GABRG3: variants seen among roughly 807,000 people sequenced by gnomAD.
GABRG3 encodes the protein gamma-aminobutyric acid receptor subunit gamma-3.
A neutral mutation model predicts 48.8 loss-of-function variants in GABRG3; 25 were observed. That is an observed-to-expected ratio of 0.51 (90% CI 0.37 to 0.72). GABRG3 has a LOEUF of 0.72. GABRG3 is among the 30% of genes least tolerant of loss of function. The pLI is 0.00. For synonymous variants in GABRG3, 227 were observed against 217.6 expected (o/e 1.04, Z -0.38); for missense variants, 394 against 577.9 (o/e 0.68, Z 3.26).
At chr15:27,523,655 A>G (rs1891209556) in intron 7 of GABRG3, among the ~76,000 whole-genome samples, 1 of 151,946 alleles carries the variant, frequency 6.6e-6, no homozygotes, top group Non-Finnish European at 1.5e-5. Flanking sequence ...AAAGCTCCAC[A>G]AAGAAATAGA....
Position 27,457,727 on chromosome 15 carries a change from G to T in GABRG3, c.575-22923G>T, listed in dbSNP as rs200075957. Among the ~76,000 whole-genome samples the T allele has an allele frequency of 9.9e-5, 15 of 152,204 alleles. No individual in the cohort carries two copies. In the South Asian group the frequency reaches 3.1e-3, roughly 32 times the overall value. ...CTCTGACCTGATGGTTGCAGTCGCCGTGTTTTCTGGCCAGTGGTATAACGA... is the reference window on the plus strand; with the variant it reads ...CTCTGACCTGATGGTTGCAGTCGCCTTGTTTTCTGGCCAGTGGTATAACGA... On this transcript the variant is annotated intron_variant, in intron 5 of 9. Coordinates refer to ENST00000615808, the MANE Select transcript of GABRG3 (RefSeq NM_033223.5). This position sits in a 1 kb window ranked among gnomAD's most constrained non-coding sequence, Gnocchi z 4.4.
At chr15:27,365,906 A>G (rs1051432636) in intron 5 of GABRG3, 1 of 152,202 alleles carries the variant, frequency 6.6e-6, no homozygotes, top group African/African-American at 2.4e-5. Flanking sequence ...TAAATAAGTT[A>G]AATAGTTCAT....
chr15:27,000,590 G>A (rs142994134), intron 2 of GABRG3, among the ~76,000 whole-genome samples: 5 of 152,278 alleles, frequency 3.3e-5, no homozygotes, highest in East Asian at 3.9e-4. Flanking sequence ...GTGATAGTGA[G>A]TGTGTTCTCA....
chr15:27,454,947 C>G (rs1380880549), intron 5 of GABRG3, among the ~76,000 whole-genome samples: 1 of 152,212 alleles, frequency 6.6e-6, no homozygotes, highest in Non-Finnish European at 1.5e-5. Context: ...TTATTCATCT[C>G]TTTTTCTCTC....
intron 3 of GABRG3, among the ~76,000 whole-genome samples, chr15:27,064,532 G>A (rs1297699113): frequency 4.6e-5 from 7 of 152,104 alleles, no homozygotes; most frequent in Admixed American, 4.6e-4. Context: ...GAGGGGTTAG[G>A]GCTGAGGTGG....
At chr15:27,364,361 C>T in intron 5 of GABRG3, 1 of 152,572 alleles carries the variant, frequency 6.6e-6, no homozygotes, top group East Asian at 1.9e-4. Context: ...TGCGCCTCTA[C>T]ATGACTCCGG....
chr15:27,427,619 T>A (rs2071815877), intron 5 of GABRG3, among the ~76,000 whole-genome samples: 1 of 152,242 alleles, frequency 6.6e-6, no homozygotes, highest in South Asian at 2.1e-4. Context: ...GATCTATATC[T>A]AACAAATGTC....
chr15:27,493,283 A>C (rs1408853981), intron 6 of GABRG3, among the ~76,000 whole-genome samples: 1 of 152,188 alleles, frequency 6.6e-6, no homozygotes, highest in African/African-American at 2.4e-5. Flanking sequence ...AAAAATCTCA[A>C]AAGTGGGGAA....
At chr15:27,296,911 G>T (rs1892009275) in intron 3 of GABRG3, among the ~76,000 whole-genome samples, 1 of 151,132 alleles carries the variant, frequency 6.6e-6, no homozygotes, top group South Asian at 2.1e-4. Context: ...CCAGAAGAAG[G>T]CGCTGTTATC....
At chr15:27,310,190 G>A (rs1353433302) in intron 3 of GABRG3, among the ~76,000 whole-genome samples, 3 of 152,016 alleles carry the variant, frequency 2.0e-5, no homozygotes, top group Admixed American at 6.6e-5. Flanking sequence ...TAGGGAAGGG[G>A]CAATGACAAA....
intron 3 of GABRG3, among the ~76,000 whole-genome samples, chr15:27,225,225 T>C (rs1252999233): frequency 1.3e-5 from 2 of 152,108 alleles, no homozygotes; most frequent in Non-Finnish European, 2.9e-5. Flanking sequence ...CAGATATACC[T>C]GAAAGCTGTC....
intron 3 of GABRG3, among the ~76,000 whole-genome samples, chr15:27,186,338 A>G (rs1888097712): frequency 1.3e-5 from 2 of 152,090 alleles, no homozygotes; most frequent in African/African-American, 4.8e-5. Flanking sequence ...AAGGGACATG[A>G]CTTCATTATT....
At chr15:27,278,219 T>G (rs1891318486) in intron 3 of GABRG3, among the ~76,000 whole-genome samples, 1 of 151,940 alleles carries the variant, frequency 6.6e-6, no homozygotes, top group South Asian at 2.1e-4. Flanking sequence ...GCCCGGCTAA[T>G]TTTTGTATTT....
At chr15:27,386,657 C>A (rs549617097) in intron 5 of GABRG3, among the ~76,000 whole-genome samples, 81 of 152,232 alleles carry the variant, frequency 5.3e-4, no homozygotes, top group African/African-American at 1.9e-3. Context: ...CTTTCCAGGG[C>A]AGAATTTACA....
intron 3 of GABRG3, among the ~76,000 whole-genome samples, chr15:27,317,467 C>A (rs1893270261): frequency 6.6e-6 from 1 of 152,196 alleles, no homozygotes; most frequent in African/African-American, 2.4e-5. Flanking sequence ...ATCTCAGTTT[C>A]TTCTTCATCA....
At chr15:27,255,363 C>A (rs7172713) in intron 3 of GABRG3, among the ~76,000 whole-genome samples, 4,425 of 152,252 alleles carry the variant, frequency 0.029, 196 homozygotes, top group African/African-American at 0.1. Context: ...ACAGACTTTC[C>A]TGGCAGGTAG....
In GABRG3 at chr15:27,188,307, A is replaced by G. The variant is rs1260670579; in HGVS notation, c.271-138502A>G. On this transcript the variant is annotated intron_variant, in intron 3 of 9. Transcript: ENST00000615808. Reference sequence around the variant, plus strand: ...AGATCCCTGAGGAATTGCCACACTGACTTCCACAATGGTTGAACTAGTTTA... The same window carrying G: ...AGATCCCTGAGGAATTGCCACACTGGCTTCCACAATGGTTGAACTAGTTTA... 3.3e-5 allele frequency among the ~76,000 whole-genome samples: 5 copies of G among 152,302 alleles called. No homozygotes were observed. In the South Asian group the frequency reaches 1.0e-3, roughly 32 times the overall value.
intron 2 of GABRG3, among the ~76,000 whole-genome samples, chr15:27,013,043 ATAAT>A (rs992050195): frequency 5.3e-5 from 8 of 152,200 alleles, no homozygotes; most frequent in Non-Finnish European, 4.4e-5. Context: ...GAAATTTGAA[ATAAT>A]TCAGTGAAAA....
chr15:27,260,573 G>A lies in GABRG3; in HGVS notation c.271-66236G>A, dbSNP rs1469293931. On this transcript the variant is annotated intron_variant, in intron 3 of 9. Coordinates refer to ENST00000615808, the MANE Select transcript of GABRG3 (RefSeq NM_033223.5). Reference sequence around the variant, plus strand: ...TAAATTGTGCTGGAGGATGTGCATAGGTTAGACGCAAACACCATGCCATTT... The same window carrying A: ...TAAATTGTGCTGGAGGATGTGCATAAGTTAGACGCAAACACCATGCCATTT... Among the ~76,000 whole-genome samples the A allele has an allele frequency of 2.0e-5, 3 of 152,156 alleles. No homozygotes were observed. The East Asian group carries it at 5.8e-4, about 29-fold the overall frequency.
Sources: gnomAD v4.1 joint callset for allele counts (sites outside exome capture counted in the v4.1 genomes callset) on GRCh38, gnomAD v4.1.1 for gene constraint, Gnocchi (gnomAD v3.1) non-coding constraint, MANE v1.5 for transcripts, NCBI Gene and HGNC (gene_info 2026-07-23, HGNC 2026-07-21) for gene names.